Variants in TMEM131 observed in about 807,000 individuals in gnomAD.
The protein encoded by TMEM131 is transmembrane protein 131, also known as 2610524E03Rik.
TMEM131 carries 66 observed loss-of-function variants against 211.6 expected under a neutral mutation model. That is an observed-to-expected ratio of 0.31 (90% CI 0.26 to 0.38). TMEM131 has a LOEUF of 0.38. Among genes scored for constraint, TMEM131 ranks in the 10% least tolerant of loss-of-function variants. The pLI is 1.00. For missense variants in TMEM131, 2,036 were observed against 2,299.3 expected, an observed-to-expected ratio of 0.89 and a Z score of 2.34; for synonymous variants, 844 against 841.3, an observed-to-expected ratio of 1.00 and a Z score of -0.06.
intron 4 of TMEM131, among the ~76,000 whole-genome samples, chr2:97,875,644 G>GA (rs1344272505): frequency 1.3e-5 from 2 of 152,076 alleles, no homozygotes; most frequent in Non-Finnish European, 2.9e-5. Flanking sequence ...AATGAAGGCA[G>GA]AAAAAAGATG....
intron 31 of TMEM131, among the ~76,000 whole-genome samples, chr2:97,792,174 A>G (rs1680526070): frequency 6.6e-6 from 1 of 152,286 alleles, no homozygotes; most frequent in African/African-American, 2.4e-5. Flanking sequence ...TGATTTTGGT[A>G]AACAATCTAA....
chr2:97,781,354 C>A (rs1370067380), intron 31 of TMEM131, among the ~76,000 whole-genome samples: 1 of 152,220 alleles, frequency 6.6e-6, no homozygotes, highest in African/African-American at 2.4e-5. Context: ...TAACCCAAGT[C>A]CAAATGCTTA....
intron 4 of TMEM131, among the ~76,000 whole-genome samples, chr2:97,868,467 T>C (rs1674360278): frequency 6.6e-6 from 1 of 152,190 alleles, no homozygotes; most frequent in African/African-American, 2.4e-5. Context: ...AATGCAATTA[T>C]TGATAGAGTT....
At chr2:97,865,068 T>C (rs993691702) in intron 4 of TMEM131, among the ~76,000 whole-genome samples, 6 of 152,216 alleles carry the variant, frequency 3.9e-5, no homozygotes, top group Non-Finnish European at 7.3e-5. Flanking sequence ...GGGCAATCAA[T>C]AGTTTTTATG....
At chr2:97,987,012 G>A (rs750146505) in intron 1 of TMEM131, among the ~76,000 whole-genome samples, 4 of 152,170 alleles carry the variant, frequency 2.6e-5, no homozygotes, top group Non-Finnish European at 5.9e-5. Flanking sequence ...AATCCATGTA[G>A]GGCCCTTGCC....
chr2:97,762,103 G>T lies in TMEM131; in HGVS notation c.4821C>A (p.Pro1607=), dbSNP rs550059962. 6.2e-7 allele frequency: 1 copy of T among 1,613,002 alleles called. No individual in the cohort carries two copies. Among genetic ancestry groups the T allele is most frequent in the East Asian group, 2.2e-5 (1 of 44,848 alleles). The change falls in exon 36 of 41, where the codon CCC becomes CCA. Residue 1607 remains proline, a synonymous_variant. Coordinates refer to ENST00000186436, the MANE Select transcript of TMEM131 (RefSeq NM_015348.2). The part of the protein sequence containing the change: ...QTSPTPASPS[P]PAAPCPFVAR... ...CCACAAAGGGGCAGGGGGCAGCTGGGGGAGACGGGGAAGCAGGTGTCGGTG... is the reference window on the plus strand; with the variant it reads ...CCACAAAGGGGCAGGGGGCAGCTGGTGGAGACGGGGAAGCAGGTGTCGGTG...
chr2:97,760,409 C>G (rs958068245), intron 38 of TMEM131, 184 bp downstream of exon 38: 11 of 626,474 alleles, frequency 1.8e-5, no homozygotes, highest in Non-Finnish European at 3.0e-5. Flanking sequence ...GGGGAAGGCA[C>G]CGCAGCCGGC....
chr2:97,943,002 GA>G (rs1181239491), intron 1 of TMEM131, among the ~76,000 whole-genome samples: 2 of 31,966 alleles, frequency 6.3e-5, no homozygotes, highest in African/African-American at 3.2e-4. Flanking sequence ...AGAAAAGAAA[GA>G]AAAGAAAGAA....
At chr2:97,959,790 T>C (rs1047926753) in intron 1 of TMEM131, among the ~76,000 whole-genome samples, 4 of 152,222 alleles carry the variant, frequency 2.6e-5, no homozygotes, top group Non-Finnish European at 5.9e-5. Flanking sequence ...TATAACCTTT[T>C]TTTTCAGTCC....
At position 97,813,897 on chromosome 2, in the gene TMEM131, G is replaced by A. The variant is rs1439565319; in HGVS notation, c.1617+74C>T. On this transcript the variant is annotated intron_variant, in intron 15 of 40. Coordinates refer to ENST00000186436, the MANE Select transcript of TMEM131 (RefSeq NM_015348.2). ...AATAATGGCAAACCGTATGTAACACGACTGCCTAATAAGATCTGAAAACAT... is the reference window on the plus strand; with the variant it reads ...AATAATGGCAAACCGTATGTAACACAACTGCCTAATAAGATCTGAAAACAT... 15 of 1,196,606 alleles carry A rather than the reference G, an allele frequency of 1.3e-5. No homozygotes were observed. In the African/African-American group the frequency reaches 1.7e-4, roughly 14 times the overall value. 74.1% of individuals were successfully genotyped at this position (1,196,606 alleles called of 1,614,324 possible).
intron 2 of TMEM131, among the ~76,000 whole-genome samples, chr2:97,914,942 C>A (rs149456805): frequency 6.6e-6 from 1 of 152,182 alleles, no homozygotes; most frequent in Non-Finnish European, 1.5e-5. Context: ...TAGATTTATA[C>A]GAAACTGCCA....
intron 1 of TMEM131, among the ~76,000 whole-genome samples, chr2:97,953,226 A>T (rs1381815326): frequency 6.6e-6 from 1 of 152,242 alleles, no homozygotes; most frequent in Non-Finnish European, 1.5e-5. Context: ...ACTTCAGAAA[A>T]GTGCATTTTA....
At chr2:97,768,528 T>A (rs1679303111) in intron 33 of TMEM131, among the ~76,000 whole-genome samples, 1 of 152,262 alleles carries the variant, frequency 6.6e-6, no homozygotes, top group South Asian at 2.1e-4. Context: ...TTAAGCCAGA[T>A]GATCTCTATC....
chr2:97,783,626 G>A lies in TMEM131; in HGVS notation c.4145-7608C>T, dbSNP rs1680115425. On this transcript the variant is annotated intron_variant, in intron 31 of 40. Transcript: ENST00000186436. The stretch of plus-strand genomic sequence containing the variant: ...TATACCTAGAGCAACCACTAAAAAA[G>A]AGATACACTAAAAAATGCTACAGAC... Among the ~76,000 whole-genome samples the A allele has an allele frequency of 3.3e-5, 5 of 151,688 alleles. No homozygotes were observed. In the South Asian group the frequency reaches 1.0e-3, roughly 32 times the overall value.
At chr2:97,952,119 T>G (rs926142602) in intron 1 of TMEM131, among the ~76,000 whole-genome samples, 1 of 150,168 alleles carries the variant, frequency 6.7e-6, no homozygotes, top group Non-Finnish European at 1.5e-5. Context: ...ATCACGCCAC[T>G]GCACTCCAGC....
At chr2:97,848,179 A>G (rs1054271969) in intron 5 of TMEM131, among the ~76,000 whole-genome samples, 1 of 152,240 alleles carries the variant, frequency 6.6e-6, no homozygotes, top group African/African-American at 2.4e-5. Flanking sequence ...ACTTTCAACA[A>G]AAGTACAGTG....
chr2:97,924,874 A>AG (rs1330474525), intron 2 of TMEM131, among the ~76,000 whole-genome samples: 1 of 152,146 alleles, frequency 6.6e-6, no homozygotes, highest in Non-Finnish European at 1.5e-5. Flanking sequence ...ACTTGAACTC[A>AG]GGGAACACTT....
rs574447686 is a variant in TMEM131 at position 97,812,374 on chromosome 2, T to A, written c.1863+47A>T. The A allele has an allele frequency of 2.6e-6, 4 of 1,564,938 alleles. No homozygotes were observed. In the East Asian group the frequency reaches 6.7e-5, roughly 26 times the overall value. ...CATAGCAATGATCTTCCACTTGCAG[T>A]TTAGACATCCATCTTACTTTAAGGA... On this transcript the variant is annotated intron_variant, in intron 17 of 40. Transcript: ENST00000186436.
intron 4 of TMEM131, among the ~76,000 whole-genome samples, chr2:97,860,567 T>G (rs1247791543): frequency 6.6e-6 from 1 of 152,258 alleles, no homozygotes; most frequent in Non-Finnish European, 1.5e-5. Context: ...CACCATGCTT[T>G]TGTTCTTCAA....
Sources: allele counts gnomAD v4.1 joint callset (sites outside exome capture counted in the v4.1 genomes callset), GRCh38; gene constraint gnomAD v4.1.1; transcripts MANE v1.5; gene names NCBI Gene and HGNC (gene_info 2026-07-23, HGNC 2026-07-21).